The following CD300LG variants were observed in gnomAD, a reference collection of about 807,000 sequenced individuals.
CD300LG encodes the protein CD300 molecule like family member g.
In CD300LG, 29 loss-of-function variants were observed where a neutral mutation model predicts 31.5. The ratio of observed to expected loss-of-function variants is 0.92; its 90% CI spans 0.68 to 1.25. The LOEUF is 1.25. CD300LG is among the 50% of genes most tolerant of loss of function. The pLI, the probability that CD300LG is intolerant of heterozygous loss-of-function variation, is 0.00. For missense variants in CD300LG, 396 were observed against 417.6 expected, an observed-to-expected ratio of 0.95 and a Z score of 0.45; for synonymous variants, 175 against 177.2, an observed-to-expected ratio of 0.99 and a Z score of 0.10.
In CD300LG at chr17:43,848,569, C is replaced by T; in HGVS notation, c.55C>T (p.Leu19=). The T allele has an allele frequency of 6.2e-7, 1 of 1,613,580 alleles. No individual in the cohort carries two copies. The highest frequency in any genetic ancestry group is 1.1e-5 in the South Asian group (1 of 91,046). ...GCLLLPGYEA[L]EGPEEISGFE... ...TGCTCTGATTTTAGGTTATGAAGCC[C>T]TGGAGGGCCCAGAGGAAATCAGCGG... The change falls in exon 2 of 7, where the codon CTG becomes TTG. Residue 19 remains leucine (L), a synonymous_variant. Coordinates refer to ENST00000317310, the MANE Select transcript of CD300LG (RefSeq NM_145273.4).
intron 2 of CD300LG, among the ~76,000 whole-genome samples, chr17:43,850,518 G>C (rs1024825415): frequency 6.6e-6 from 1 of 151,778 alleles, no homozygotes; most frequent in African/African-American, 2.4e-5. Context: ...TCATCCAGAC[G>C]GGAGTGCAGT....
At chr17:43,848,500 CTTG>C in intron 1 of CD300LG, 55 bp from the exon 2 acceptor site, 1 of 1,405,454 alleles carries the variant, frequency 7.1e-7, no homozygotes, top group Non-Finnish European at 9.9e-7. Context: ...AAGCTCTGGC[CTTG>C]ACCTTGGTAC....
intron 6 of CD300LG, 47 bp downstream of exon 6, chr17:43,857,203 C>G (rs1281291998): frequency 6.2e-7 from 1 of 1,603,894 alleles, no homozygotes; most frequent in Admixed American, 1.7e-5. Flanking sequence ...CCCCTTGGGG[C>G]TGGAAGTCAA....
intron 1 of CD300LG, 92 bp downstream of exon 1, chr17:43,847,351 CACCTATCCTCAGCCTCCTCAG>C: frequency 7.4e-7 from 1 of 1,358,216 alleles, no homozygotes. Flanking sequence ...AGCCCCACCC[CACCTATCCTCAGCCTCCTCAG>C]CCCTAGGGGA....
chr17:43,858,416 G>C, intron 6 of CD300LG: 1 of 985,470 alleles, frequency 1.0e-6, no homozygotes, highest in Non-Finnish European at 1.2e-6. Context: ...AGGAGGCTGA[G>C]AGCGCCGGAA....
rs201803597 is a variant in CD300LG at position 43,848,773 on chromosome 17, G to A, written c.259G>A (p.Glu87Lys). Residue 87 changes from glutamate (E) to lysine (K), a missense_variant, in exon 2 of 7, where the codon GAG becomes AAG. Transcript: ENST00000317310. Reference protein sequence around the residue: ...GRVSIRDSRQELSLIVTLWNL... With the variant: ...GRVSIRDSRQKLSLIVTLWNL... ...GGTGTCCATCCGTGACAGCCGCCAG[G>A]AGCTCTCGCTCATTGTGACCCTGTG... The A allele has an allele frequency of 1.2e-6, 2 of 1,614,162 alleles. No homozygotes were observed. The highest frequency in any genetic ancestry group is 2.7e-5 in the African/African-American group (2 of 75,050).
At chr17:43,860,470 G>A (rs2046628823) in intron 6 of CD300LG, among the ~76,000 whole-genome samples, 1 of 152,232 alleles carries the variant, frequency 6.6e-6, no homozygotes, top group Admixed American at 6.5e-5. Context: ...CTTGGCTGGG[G>A]AGCTTGGCCG....
intron 5 of CD300LG, among the ~76,000 whole-genome samples, chr17:43,856,461 G>T (rs1039856206): frequency 2.6e-5 from 4 of 152,228 alleles, no homozygotes; most frequent in African/African-American, 9.6e-5. Flanking sequence ...GGCACAGAGT[G>T]GTTAAGCAGC....
chr17:43,847,762 A>AC (rs968070571), intron 1 of CD300LG, among the ~76,000 whole-genome samples: 2 of 152,084 alleles, frequency 1.3e-5, no homozygotes, highest in Admixed American at 6.6e-5. Context: ...CAATAGTGAG[A>AC]CCCCATCTCT....
At chr17:43,857,230 C>T (rs2046549540) in intron 6 of CD300LG, 74 bp downstream of exon 6, 2 of 1,563,418 alleles carry the variant, frequency 1.3e-6, no homozygotes, top group South Asian at 1.1e-5. Flanking sequence ...TGGGCTTTGC[C>T]TCTGTGACTT....
intron 1 of CD300LG, among the ~76,000 whole-genome samples, chr17:43,847,900 A>C (rs769074163): frequency 6.6e-6 from 1 of 152,168 alleles, no homozygotes; most frequent in South Asian, 2.1e-4. Flanking sequence ...ACAGTGAGCC[A>C]TGAGCACCAT....
At position 43,861,971 on chromosome 17, in the gene CD300LG, C is replaced by A. The variant is rs16940274; in HGVS notation, c.*60C>A. On this transcript the variant is annotated 3_prime_UTR_variant, in exon 7 of 7. Coordinates refer to ENST00000317310, the MANE Select transcript of CD300LG (RefSeq NM_145273.4). ...GCAGTATGGCTGGCTGGATCAGCAC[C>A]GATTCCCGAAAGCTTTCCACCTCAG... is the stretch of plus-strand genomic sequence containing the variant. The A allele has an allele frequency of 0.012, 14,548 of 1,252,678 alleles. 1,169 individuals carry two copies. The African/African-American group carries it at 0.18, about 16-fold the overall frequency. 77.6% of individuals were successfully genotyped at this position (1,252,678 alleles called of 1,614,324 possible).
intron 6 of CD300LG, among the ~76,000 whole-genome samples, chr17:43,858,832 G>A (rs1185342772): frequency 2.0e-5 from 3 of 152,142 alleles, no homozygotes; most frequent in African/African-American, 7.2e-5. Context: ...AAACCCTGAG[G>A]GAAGTCTTAG....
intron 6 of CD300LG, chr17:43,857,385 G>T (rs141288889): frequency 6.5e-7 from 1 of 1,533,870 alleles, no homozygotes; most frequent in East Asian, 2.4e-5. Flanking sequence ...CTGATTTCCC[G>T]CCAGGTGCCA....
intron 5 of CD300LG, 90 bp from the exon 6 acceptor site, chr17:43,857,014 A>G (rs893192206): frequency 1.5e-6 from 2 of 1,324,990 alleles, no homozygotes; most frequent in Non-Finnish European, 2.2e-6. Context: ...CCCGTGTGCA[A>G]GGGGGCCAGT....
intron 6 of CD300LG, chr17:43,861,042 C>G (rs566112048): frequency 1.0e-6 from 1 of 968,060 alleles, no homozygotes; most frequent in East Asian, 1.2e-4. Context: ...CCCACCCCTC[C>G]CACGTTTCCC....
chr17:43,861,269 C>T, intron 6 of CD300LG: 1 of 985,362 alleles, frequency 1.0e-6, no homozygotes, highest in Non-Finnish European at 1.2e-6. Flanking sequence ...GACAGAAGGG[C>T]CCTGGGAAGG....
Position 43,861,979 on chromosome 17 carries a change from G to A in CD300LG, c.*68G>A, listed in dbSNP as rs1567858328. On this transcript the variant is annotated 3_prime_UTR_variant, in exon 7 of 7. Coordinates refer to ENST00000317310, the MANE Select transcript of CD300LG (RefSeq NM_145273.4). ...GCTGGCTGGATCAGCACCGATTCCC[G>A]AAAGCTTTCCACCTCAGCCTCAGAG... 10 of 1,164,840 alleles carry A rather than the reference G, an allele frequency of 8.6e-6. No homozygotes were observed. The highest frequency in any genetic ancestry group is 3.1e-5 in the African/African-American group (2 of 63,668). 72.2% of individuals were successfully genotyped at this position (1,164,840 alleles called of 1,614,324 possible). A position where few individuals can be genotyped will look rare whatever the true frequency, so the allele number is the denominator to read the frequency against.
intron 6 of CD300LG, 108 bp downstream of exon 6, chr17:43,857,264 C>A: frequency 6.9e-7 from 1 of 1,456,334 alleles, no homozygotes; most frequent in Non-Finnish European, 9.5e-7. Context: ...CCTTGCCTGA[C>A]CTAGAGGCAG....
Sources: gnomAD v4.1 joint callset for allele counts (sites outside exome capture counted in the v4.1 genomes callset) on GRCh38, gnomAD v4.1.1 for gene constraint, MANE v1.5 for transcripts, NCBI Gene and HGNC (gene_info 2026-07-23, HGNC 2026-07-21) for gene names.